NREP: variants seen among roughly 807,000 people sequenced by gnomAD.
NREP encodes the protein neuronal regeneration-related protein.
In NREP, 5 loss-of-function variants were observed where a neutral mutation model predicts 8.6. The observed-to-expected ratio is 0.58, with a 90% confidence interval of 0.30 to 1.22. The LOEUF (loss-of-function observed/expected upper bound fraction) is 1.22, where lower values mean the gene tolerates loss of function less well. Ranked by LOEUF, NREP falls within the 50% of genes most tolerant of loss-of-function variation. The pLI, the probability that NREP is intolerant of heterozygous loss-of-function variation, is 0.07. For synonymous variants in NREP, 27 were observed against 28.0 expected (o/e 0.96, Z 0.11); for missense variants, 86 against 82.5 (o/e 1.04, Z -0.17).
intron 2 of NREP, among the ~76,000 whole-genome samples, chr5:111,823,852 G>A (rs1259464857): frequency 6.6e-6 from 1 of 152,100 alleles, no homozygotes; most frequent in Non-Finnish European, 1.5e-5. Context: ...ATGACAAACA[G>A]GAGCTTAATC....
intron 2 of NREP, among the ~76,000 whole-genome samples, chr5:111,948,649 G>A (rs147009334): frequency 3.3e-5 from 5 of 152,054 alleles, no homozygotes; most frequent in Admixed American, 2.0e-4. Flanking sequence ...AAAAAATTTC[G>A]AAACACCAGA....
chr5:111,802,900 C>G (rs191560742), intron 2 of NREP, among the ~76,000 whole-genome samples: 202 of 151,778 alleles, frequency 1.3e-3, no homozygotes, highest in Non-Finnish European at 2.0e-3. Context: ...TGGCAATGGC[C>G]CAAAGAAAGA....
chr5:111,950,991 C>T (rs754961411), intron 2 of NREP, among the ~76,000 whole-genome samples: 1 of 152,050 alleles, frequency 6.6e-6, no homozygotes, highest in African/African-American at 2.4e-5. Flanking sequence ...TTACTCTCTG[C>T]CATAGGTTAA....
intron 2 of NREP, among the ~76,000 whole-genome samples, chr5:111,863,293 G>C (rs1211886772): frequency 6.6e-6 from 1 of 152,030 alleles, no homozygotes; most frequent in African/African-American, 2.4e-5. Context: ...TCTTTGGGTG[G>C]TCTTCCATTC....
intron 2 of NREP, among the ~76,000 whole-genome samples, chr5:111,755,006 TATG>T (rs1484146755): frequency 2.0e-5 from 3 of 152,352 alleles, no homozygotes; most frequent in African/African-American, 4.8e-5. Flanking sequence ...TAAAAAGTTT[TATG>T]ATATTTCTAT....
intron 2 of NREP, among the ~76,000 whole-genome samples, chr5:111,771,597 T>C (rs1455154848): frequency 6.6e-6 from 1 of 151,972 alleles, no homozygotes; most frequent in Non-Finnish European, 1.5e-5. Flanking sequence ...AACTCGTCTC[T>C]ACTAAAAATA....
chr5:111,955,234 C>G (rs1007298566), intron 2 of NREP, among the ~76,000 whole-genome samples: 4 of 152,082 alleles, frequency 2.6e-5, no homozygotes, highest in African/African-American at 9.7e-5. Context: ...CATCTCAATA[C>G]CTGGGATTAT....
rs538123754 is a variant in NREP at position 111,936,719 on chromosome 5, A to G, written c.135+38555T>C. Among the ~76,000 whole-genome samples the G allele has an allele frequency of 9.7e-4, 148 of 152,200 alleles. 1 individual carries two copies. Among genetic ancestry groups the G allele is most frequent in the Non-Finnish European group, 1.6e-3 (111 of 67,980 alleles). Reference sequence around the variant, plus strand: ...ATGACTACAATCTCCTTGATTCCCTACAGAGAGAACAGAAACCAAATGGAA... The same window carrying G: ...ATGACTACAATCTCCTTGATTCCCTGCAGAGAGAACAGAAACCAAATGGAA... On this transcript the variant is annotated intron_variant, in intron 2 of 3. Transcript: ENST00000395634.
At chr5:111,785,307 C>T (rs535342091) in intron 2 of NREP, among the ~76,000 whole-genome samples, 91 of 152,084 alleles carry the variant, frequency 6.0e-4, no homozygotes, top group African/African-American at 2.1e-3. Context: ...GAGATGGAGT[C>T]TCCTTCTGTC....
chr5:111,932,262 A>C (rs188665048), intron 2 of NREP, among the ~76,000 whole-genome samples: 8 of 152,198 alleles, frequency 5.3e-5, no homozygotes, highest in Admixed American at 1.3e-4. Context: ...TTCTTGGGGC[A>C]TAAATGTTGT....
At chr5:111,792,249 C>T (rs112349394) in intron 2 of NREP, among the ~76,000 whole-genome samples, 10 of 152,220 alleles carry the variant, frequency 6.6e-5, no homozygotes, top group East Asian at 1.9e-4. Flanking sequence ...ATTAACCTAC[C>T]ACACTGTCAG....
At chr5:111,898,245 G>A (rs1480440366) in intron 2 of NREP, among the ~76,000 whole-genome samples, 1 of 152,082 alleles carries the variant, frequency 6.6e-6, no homozygotes, top group South Asian at 2.1e-4. Context: ...GGAAGGAGGC[G>A]ATTGCAGTAA....
intron 2 of NREP, among the ~76,000 whole-genome samples, chr5:111,953,610 T>C (rs1756227419): frequency 6.6e-6 from 1 of 152,074 alleles, no homozygotes; most frequent in Admixed American, 6.6e-5. Context: ...TAAAAAGACA[T>C]GGTCCCTGCC....
chr5:111,867,759 G>A (rs1352133485), intron 2 of NREP, among the ~76,000 whole-genome samples: 1 of 152,008 alleles, frequency 6.6e-6, no homozygotes, highest in Non-Finnish European at 1.5e-5. Context: ...GATGCTGTAT[G>A]CCCCCTTTAA....
chr5:111,971,134 A>G (rs570644449), intron 2 of NREP, among the ~76,000 whole-genome samples: 1 of 152,296 alleles, frequency 6.6e-6, no homozygotes, highest in East Asian at 1.9e-4. Context: ...AACAATCTCT[A>G]AAGGATTCAA....
chr5:111,791,531 T>G (rs1382212903), intron 2 of NREP, among the ~76,000 whole-genome samples: 1 of 152,124 alleles, frequency 6.6e-6, no homozygotes, highest in Non-Finnish European at 1.5e-5. Context: ...CAGGCTGGAG[T>G]GCAGTGGTGA....
At chr5:111,752,217 G>T (rs1420631548) in intron 2 of NREP, among the ~76,000 whole-genome samples, 1 of 152,128 alleles carries the variant, frequency 6.6e-6, no homozygotes, top group Non-Finnish European at 1.5e-5. Context: ...ATGATACTCG[G>T]AACAGCTGTT....
chr5:111,969,680 A>G (rs948661484), intron 2 of NREP: 12 of 152,230 alleles, frequency 7.9e-5, no homozygotes, highest in African/African-American at 2.9e-4. Flanking sequence ...CTTTCTAGCA[A>G]TGAGAACTGC....
chr5:111,795,389 C>T (rs1355592041), intron 2 of NREP, among the ~76,000 whole-genome samples: 1 of 152,138 alleles, frequency 6.6e-6, no homozygotes, highest in Non-Finnish European at 1.5e-5. Context: ...GGAAACTTGG[C>T]CATCATTTGG....
Sources: allele counts gnomAD v4.1 joint callset (sites outside exome capture counted in the v4.1 genomes callset), GRCh38; gene constraint gnomAD v4.1.1; transcripts MANE v1.5; gene names NCBI Gene and HGNC (gene_info 2026-07-23, HGNC 2026-07-21).